Variants in ATF7IP observed in about 807,000 individuals in gnomAD.
ATF7IP encodes activating transcription factor 7 interacting protein.
In ATF7IP, 23 loss-of-function variants were observed where a neutral mutation model predicts 106.4. The observed-to-expected ratio is 0.22, with a 90% CI of 0.16 to 0.31. The LOEUF is 0.31. Among genes scored for constraint, ATF7IP ranks in the 10% least tolerant of loss-of-function variants. ATF7IP has a pLI of 1.00. For synonymous variants in ATF7IP, 542 were observed against 539.0 expected, an observed-to-expected ratio of 1.01 and a Z score of -0.08; for missense variants, 1,334 against 1,524.3, an observed-to-expected ratio of 0.88 and a Z score of 2.08.
intron 13 of ATF7IP, 200 bp downstream of exon 13, chr12:14,481,385 AT>A: frequency 1.7e-6 from 1 of 601,876 alleles, no homozygotes; most frequent in Non-Finnish European, 2.9e-6. Flanking sequence ...ATTCTTGAAA[AT>A]AGCTGATAGA....
intron 6 of ATF7IP, among the ~76,000 whole-genome samples, chr12:14,454,471 T>C (rs1010806704): frequency 1.3e-5 from 2 of 152,246 alleles, no homozygotes; most frequent in Non-Finnish European, 2.9e-5. Flanking sequence ...CAAAATCTAA[T>C]GCGTTGGGCA....
Position 14,396,656 on chromosome 12 carries a change from CT to C in ATF7IP, c.-7-27251del, listed in dbSNP as rs558583611. Among the ~76,000 whole-genome samples the C allele has an allele frequency of 3.5e-4, 53 of 152,174 alleles. No individual in the cohort carries two copies. The South Asian group carries it at 0.011, about 31-fold the overall frequency. On this transcript the variant is annotated intron_variant, in intron 1 of 14. Transcript: ENST00000261168. ...GTAGGAAAAAGTTTTTCAAACTTCTCTTGTGCTATTATATTGGTTAGGGGAA... is the reference window on the plus strand; with the variant it reads ...GTAGGAAAAAGTTTTTCAAACTTCTCTGTGCTATTATATTGGTTAGGGGAA...
chr12:14,460,463 T>A (rs201511894), intron 8 of ATF7IP, 32 bp from the exon 9 acceptor site: 705 of 1,547,034 alleles, frequency 4.6e-4, no homozygotes, highest in Non-Finnish European at 5.7e-4. Flanking sequence ...AATATAACCA[T>A]TTAAACTGAG....
chr12:14,369,371 T>C (rs1938440084), intron 1 of ATF7IP: 2 of 152,234 alleles, frequency 1.3e-5, no homozygotes, highest in African/African-American at 4.8e-5. Context: ...TTATTGTTTT[T>C]TGAGGTGGAG....
intron 1 of ATF7IP, among the ~76,000 whole-genome samples, chr12:14,410,622 G>A (rs1177542401): frequency 6.6e-6 from 1 of 152,064 alleles, no homozygotes. Flanking sequence ...ATATGCTGAG[G>A]TTTCTAAGAT....
Position 14,457,429 on chromosome 12 carries a change from A to G in ATF7IP, c.2158+134A>G, listed in dbSNP as rs368070862. On this transcript the variant is annotated intron_variant, in intron 8 of 14. Coordinates refer to ENST00000261168, the MANE Select transcript of ATF7IP (RefSeq NM_018179.5). ...TGGTCTAAGTACAAAAATTTTGTTA[A>G]AAATTCAGGATCAAACTGGGTATGG... 1.2e-5 allele frequency: 8 copies of G among 656,814 alleles called. No homozygotes were observed. In the African/African-American group the frequency reaches 1.5e-4, roughly 12 times the overall value. 40.7% of individuals were successfully genotyped at this position (656,814 alleles called of 1,614,324 possible).
At chr12:14,423,430 G>A (rs1257005909) in intron 1 of ATF7IP, among the ~76,000 whole-genome samples, 2 of 151,802 alleles carry the variant, frequency 1.3e-5, no homozygotes, top group African/African-American at 4.8e-5. Flanking sequence ...TTATAGTTCT[G>A]CCAATCTAAG....
Position 14,480,987 on chromosome 12 carries a change from T to G in ATF7IP, c.3098-16T>G. 6.2e-7 allele frequency: 1 copy of G among 1,611,116 alleles called. No individual in the cohort carries two copies. The highest frequency in any genetic ancestry group is 8.5e-7 in the Non-Finnish European group (1 of 1,178,544). ...AATTTACTGTATTCTTAATATCTTT[T>G]TCTGCCTTGCATTAGCTCCAACTAC... On this transcript the variant is annotated splice_polypyrimidine_tract_variant and intron_variant, in intron 12 of 14. Coordinates refer to ENST00000261168, the MANE Select transcript of ATF7IP (RefSeq NM_018179.5).
chr12:14,501,330 C>G lies in ATF7IP; in HGVS notation c.*3257C>G, dbSNP rs1478242071. 1 of 152,154 alleles carries G rather than the reference C, an allele frequency of 6.6e-6. No homozygotes were observed. The highest frequency in any genetic ancestry group is 1.5e-5 in the Non-Finnish European group (1 of 68,014). The allele number at this position is 152,154 out of a possible 1,614,324, so 9.4% of individuals were successfully genotyped here. ...TATTGGAAATTCTGGAAACCTGATA[C>G]TGCAACCTGCAATGTAGGATGTTTG... is the stretch of plus-strand genomic sequence containing the variant. On this transcript the variant is annotated 3_prime_UTR_variant, in exon 15 of 15. Transcript: ENST00000261168.
At chr12:14,367,790 A>G (rs908146487) in intron 1 of ATF7IP, among the ~76,000 whole-genome samples, 3 of 152,102 alleles carry the variant, frequency 2.0e-5, no homozygotes, top group Admixed American at 1.3e-4. Context: ...GGCAGATATA[A>G]TCATGTAAAC....
intron 2 of ATF7IP, among the ~76,000 whole-genome samples, chr12:14,427,573 T>G (rs551735625): frequency 1.3e-4 from 19 of 151,954 alleles, no homozygotes; most frequent in Non-Finnish European, 2.4e-4. Context: ...ATCATGTTGG[T>G]CAGGCTGGTC....
At position 14,436,259 on chromosome 12, in the gene ATF7IP, G is replaced by A. The variant is rs1196830915; in HGVS notation, c.1791+8G>A. 1 of 1,609,296 alleles carries A rather than the reference G, an allele frequency of 6.2e-7. No individual in the cohort carries two copies. On this transcript the variant is annotated splice_region_variant and intron_variant, in intron 4 of 14. Coordinates refer to ENST00000261168, the MANE Select transcript of ATF7IP (RefSeq NM_018179.5). Reference sequence around the variant, plus strand: ...AACCAGAAACTTCAAAAGGTATTGTGTCAATTATAAGTTATAAACCATATT... The same window carrying A: ...AACCAGAAACTTCAAAAGGTATTGTATCAATTATAAGTTATAAACCATATT...
intron 1 of ATF7IP, among the ~76,000 whole-genome samples, chr12:14,370,845 AAAAT>A: frequency 6.6e-6 from 1 of 152,118 alleles, no homozygotes; most frequent in Non-Finnish European, 1.5e-5. Flanking sequence ...AATAAGTCGC[AAAAT>A]AAAGTATTGT....
chr12:14,462,676 A>G (rs1435563637), intron 9 of ATF7IP, among the ~76,000 whole-genome samples: 5 of 151,974 alleles, frequency 3.3e-5, no homozygotes, highest in African/African-American at 1.2e-4. Flanking sequence ...ATATTCCCCA[A>G]ATTATCTGGT....
At chr12:14,427,321 C>G (rs1204815391) in intron 2 of ATF7IP, among the ~76,000 whole-genome samples, 1 of 151,184 alleles carries the variant, frequency 6.6e-6, no homozygotes, top group Non-Finnish European at 1.5e-5. Flanking sequence ...CAGGGTCTTG[C>G]TATATTGGCT....
At chr12:14,384,988 A>C (rs117483827) in intron 1 of ATF7IP, 1,849 of 162,958 alleles carry the variant, frequency 0.011, 28 homozygotes, top group East Asian at 0.057. Flanking sequence ...ATTTGGCTCC[A>C]TCTCTGTAAC....
rs561337842 is a variant in ATF7IP, at chr12:14,475,439, AC to A, written c.2863-449del. On this transcript the variant is annotated intron_variant, in intron 10 of 14. Transcript: ENST00000261168. ...GGATGTGCAGTTAATAGCATAGCAT[AC>A]CATATGATTTCATAGTATACCATAC... Among the ~76,000 whole-genome samples the A allele has an allele frequency of 5.3e-4, 81 of 152,326 alleles. 1 individual carries two copies. The South Asian group carries it at 0.016, about 31-fold the overall frequency.
Position 14,408,325 on chromosome 12 carries a change from C to T in ATF7IP, c.-7-15584C>T, listed in dbSNP as rs189432189. Among the ~76,000 whole-genome samples the T allele has an allele frequency of 2.3e-3, 351 of 152,120 alleles. 2 individuals carry two copies. The highest frequency in any genetic ancestry group is 0.01 in the Middle Eastern group (3 of 294). ...TTGCTGGAAGTTTTGCTTTTATATTCGCATCTATTCTAAGATTCCTGCTAG... is the reference window on the plus strand; with the variant it reads ...TTGCTGGAAGTTTTGCTTTTATATTTGCATCTATTCTAAGATTCCTGCTAG... On this transcript the variant is annotated intron_variant, in intron 1 of 14. Transcript: ENST00000261168.
Position 14,494,751 on chromosome 12 carries a change from C to T in ATF7IP, c.3281-1480C>T, listed in dbSNP as rs191189834. On this transcript the variant is annotated intron_variant, in intron 13 of 14. Coordinates refer to ENST00000261168, the MANE Select transcript of ATF7IP (RefSeq NM_018179.5). ...AGTTCGAGATGAGCCTGGCCAACAT[C>T]GTGAAACCTCATCCCTACCAAAAAT... 7.0e-3 allele frequency among the ~76,000 whole-genome samples: 1,060 copies of T among 151,048 alleles called. 6 individuals carry two copies. Among genetic ancestry groups the T allele is most frequent in the South Asian group, 0.017 (82 of 4,788 alleles).
Sources: allele counts gnomAD v4.1 joint callset (sites outside exome capture counted in the v4.1 genomes callset), GRCh38; gene constraint gnomAD v4.1.1; transcripts MANE v1.5; gene names NCBI Gene and HGNC (gene_info 2026-07-23, HGNC 2026-07-21).